The following EPHA3 variants were observed in gnomAD, a reference collection of about 807,000 sequenced individuals.
The protein encoded by EPHA3 is EPH receptor A3.
Under a neutral mutation model 107.1 loss-of-function variants are expected in EPHA3, and 42 were observed. The observed-to-expected ratio is 0.39, with a 90% CI of 0.31 to 0.51. The LOEUF is 0.51. Among genes scored for constraint, EPHA3 ranks in the 20% least tolerant of loss-of-function variants. The pLI, the probability that EPHA3 is intolerant of heterozygous loss-of-function variation, is 0.78. For synonymous variants in EPHA3, 461 were observed against 424.8 expected (o/e 1.09, Z -1.05); for missense variants, 1,183 against 1,211.2 (o/e 0.98, Z 0.35).
rs540701447 is a variant in EPHA3, at chr3:89,402,254, G to T, written c.1594+2774G>T. ...TTAGGAAATATCTCATTCGAAAACTGCAGGGCCTTAGGATTTTTGCCAAGT... is the reference window on the plus strand; with the variant it reads ...TTAGGAAATATCTCATTCGAAAACTTCAGGGCCTTAGGATTTTTGCCAAGT... On this transcript the variant is annotated intron_variant, in intron 7 of 16. Coordinates refer to ENST00000336596, the MANE Select transcript of EPHA3 (RefSeq NM_005233.6). Among the ~76,000 whole-genome samples the T allele has an allele frequency of 7.9e-5, 12 of 152,240 alleles. No homozygotes were observed. The East Asian group carries it at 1.5e-3, about 20-fold the overall frequency.
At chr3:89,304,221 ACTT>A (rs778266664) in intron 3 of EPHA3, among the ~76,000 whole-genome samples, 1 of 151,810 alleles carries the variant, frequency 6.6e-6, no homozygotes, top group South Asian at 2.1e-4. Flanking sequence ...CAAACTCCCC[ACTT>A]CTTTTCTAGT....
intron 1 of EPHA3, among the ~76,000 whole-genome samples, chr3:89,123,518 A>G (rs1364791639): frequency 3.9e-5 from 6 of 152,160 alleles, no homozygotes; most frequent in African/African-American, 1.4e-4. Context: ...CCTTCTTTCC[A>G]GATCTTAGTA....
intron 11 of EPHA3, among the ~76,000 whole-genome samples, chr3:89,426,952 A>G (rs1160274949): frequency 6.6e-6 from 1 of 151,840 alleles, no homozygotes; most frequent in Non-Finnish European, 1.5e-5. Context: ...AACTGATACT[A>G]ATTCAGGAGA....
intron 3 of EPHA3, among the ~76,000 whole-genome samples, chr3:89,335,696 A>T (rs910539940): frequency 6.6e-6 from 1 of 152,194 alleles, no homozygotes; most frequent in African/African-American, 2.4e-5. Flanking sequence ...GCCACAATTA[A>T]CTAGTTTAAA....
intron 2 of EPHA3, among the ~76,000 whole-genome samples, chr3:89,135,330 A>G (rs183759150): frequency 2.0e-4 from 31 of 152,260 alleles, no homozygotes; most frequent in Admixed American, 1.1e-3. Flanking sequence ...CATTAATGCA[A>G]TCATTTGATT....
chr3:89,342,817 A>G lies in EPHA3; in HGVS notation c.1306+727A>G, dbSNP rs570984037. On this transcript the variant is annotated intron_variant, in intron 5 of 16. Transcript: ENST00000336596. The stretch of plus-strand genomic sequence containing the variant: ...ATGTCAGAATTAGGTATACATCCCA[A>G]GAAGCTCAATTCAGAGATATTATTG... Among the ~76,000 whole-genome samples the G allele has an allele frequency of 2.0e-5, 3 of 151,476 alleles. No individual in the cohort carries two copies. The East Asian group carries it at 5.8e-4, about 29-fold the overall frequency.
rs568382638 is a variant in EPHA3, at chr3:89,278,401, G to A, written c.815-62515G>A. 1.5e-4 allele frequency among the ~76,000 whole-genome samples: 23 copies of A among 152,150 alleles called. No homozygotes were observed. In the East Asian group the frequency reaches 1.9e-3, roughly 13 times the overall value. On this transcript the variant is annotated intron_variant, in intron 3 of 16. Coordinates refer to ENST00000336596, the MANE Select transcript of EPHA3 (RefSeq NM_005233.6). ...CTGTCAAGAAGAGTCATGGAAACAC[G>A]ATTAGTTTACTAACTTCATTAAATG...
chr3:89,475,486 T>C (rs1020996774), intron 16 of EPHA3, among the ~76,000 whole-genome samples: 2 of 152,228 alleles, frequency 1.3e-5, no homozygotes, highest in Non-Finnish European at 2.9e-5. Flanking sequence ...TTCATTGACA[T>C]GCAAGCTACT....
chr3:89,408,709 T>C (rs1363053714), intron 9 of EPHA3, among the ~76,000 whole-genome samples: 1 of 152,110 alleles, frequency 6.6e-6, no homozygotes, highest in Non-Finnish European at 1.5e-5. Context: ...TGTTTACAAC[T>C]AACAAAAAGA....
chr3:89,420,736 A>T (rs541484493), intron 11 of EPHA3, among the ~76,000 whole-genome samples: 1 of 151,496 alleles, frequency 6.6e-6, no homozygotes, highest in East Asian at 1.9e-4. Context: ...TCATTTAGCC[A>T]TTTAATGTTC....
intron 3 of EPHA3, among the ~76,000 whole-genome samples, chr3:89,235,734 T>G (rs1376051559): frequency 6.6e-6 from 1 of 151,970 alleles, no homozygotes; most frequent in Non-Finnish European, 1.5e-5. Context: ...TTTAGGAAAC[T>G]TGCTGAATTC....
At chr3:89,136,326 C>T (rs1472989930) in intron 2 of EPHA3, among the ~76,000 whole-genome samples, 2 of 27,442 alleles carry the variant, frequency 7.3e-5, no homozygotes, top group Admixed American at 5.4e-4. Flanking sequence ...CAAAATCTTA[C>T]AGGCTTTTTT....
At chr3:89,257,938 T>C (rs1238906556) in intron 3 of EPHA3, among the ~76,000 whole-genome samples, 1 of 152,192 alleles carries the variant, frequency 6.6e-6, no homozygotes, top group Admixed American at 6.6e-5. Context: ...ACGTGAACTC[T>C]GTGTCACTCC....
chr3:89,345,705 C>G (rs1165899752), intron 5 of EPHA3, among the ~76,000 whole-genome samples: 1 of 142,980 alleles, frequency 7.0e-6, no homozygotes, highest in Non-Finnish European at 1.5e-5. Flanking sequence ...CGTGCTGGTG[C>G]GCTGCACCCA....
intron 3 of EPHA3, among the ~76,000 whole-genome samples, chr3:89,281,600 G>A (rs949323010): frequency 1.1e-4 from 16 of 151,904 alleles, no homozygotes; most frequent in Admixed American, 2.6e-4. Context: ...TTTAATATTC[G>A]TATAAATAAT....
chr3:89,157,545 C>T (rs1377820085), intron 2 of EPHA3, among the ~76,000 whole-genome samples: 1 of 151,676 alleles, frequency 6.6e-6, no homozygotes, highest in Non-Finnish European at 1.5e-5. Context: ...GGTCCTGGAA[C>T]ATGTGCTTAA....
chr3:89,325,721 C>A (rs1489775809), intron 3 of EPHA3, among the ~76,000 whole-genome samples: 1 of 152,020 alleles, frequency 6.6e-6, no homozygotes, highest in Non-Finnish European at 1.5e-5. Context: ...GTACATATCA[C>A]AGAAAATGAT....
intron 2 of EPHA3, among the ~76,000 whole-genome samples, chr3:89,175,245 G>A (rs1302575009): frequency 6.6e-6 from 1 of 152,076 alleles, no homozygotes; most frequent in Non-Finnish European, 1.5e-5. Context: ...ATAATTTACA[G>A]TGTGGTAAAA....
chr3:89,188,638 A>G (rs1021876258), intron 2 of EPHA3, among the ~76,000 whole-genome samples: 7 of 152,098 alleles, frequency 4.6e-5, no homozygotes, highest in Non-Finnish European at 1.0e-4. Flanking sequence ...TAAATTCCAG[A>G]CTCATAACAG....
Sources: gnomAD v4.1 joint callset for allele counts (sites outside exome capture counted in the v4.1 genomes callset) on GRCh38, gnomAD v4.1.1 for gene constraint, MANE v1.5 for transcripts, NCBI Gene and HGNC (gene_info 2026-07-23, HGNC 2026-07-21) for gene names.